Variants in PRDM10 observed in about 807,000 individuals in gnomAD.
The protein encoded by PRDM10 is PR domain zinc finger protein 10.
Under a neutral mutation model 133.1 loss-of-function variants are expected in PRDM10, and 65 were observed. The observed-to-expected ratio is 0.49, with a 90% CI of 0.40 to 0.60. The LOEUF is 0.60. PRDM10 is among the 20% of genes least tolerant of loss of function. The pLI, the probability that PRDM10 is intolerant of heterozygous loss-of-function variation, is 0.00. For synonymous variants in PRDM10, 582 were observed against 580.4 expected (o/e 1.00, Z -0.04); for missense variants, 1,137 against 1,507.1 (o/e 0.75, Z 4.07).
chr11:129,907,299 C>A (rs1319134695), intron 19 of PRDM10, among the ~76,000 whole-genome samples: 1 of 152,192 alleles, frequency 6.6e-6, no homozygotes, highest in Non-Finnish European at 1.5e-5. Flanking sequence ...GACCCGGTTT[C>A]CTCAACACAG....
At position 129,928,144 on chromosome 11, in the gene PRDM10, C is replaced by T. The variant is rs146057160; in HGVS notation, c.1530+2872G>A. Among the ~76,000 whole-genome samples the T allele has an allele frequency of 4.1e-3, 626 of 152,154 alleles. 10 individuals carry two copies. Among genetic ancestry groups the T allele is most frequent in the African/African-American group, 0.014 (591 of 41,502 alleles). On this transcript the variant is annotated intron_variant, in intron 11 of 20. Coordinates refer to ENST00000360871, the MANE Select transcript of PRDM10 (RefSeq NM_199437.2). ...TTTTAGAGATGGGGTCTTTCTCCAT[C>T]GCCCAGGCTGGAGTGTTATGGCATG...
In PRDM10 at chr11:129,902,081, A is replaced by G; in HGVS notation, c.*232T>C. On this transcript the variant is annotated 3_prime_UTR_variant, in exon 21 of 21. Transcript: ENST00000360871. ...GCAAATTCTCTCCACCTCGAAATCT[A>G]CTTTCCCCTGAAAGATCTCTGTTCT... is the stretch of plus-strand genomic sequence containing the variant. The G allele has an allele frequency of 5.7e-6, 3 of 525,666 alleles. No individual in the cohort carries two copies. In the South Asian group the frequency reaches 9.3e-5, roughly 16 times the overall value. 32.6% of individuals were successfully genotyped at this position (525,666 alleles called of 1,614,324 possible).
chr11:129,962,346 G>A (rs569929779), intron 1 of PRDM10, among the ~76,000 whole-genome samples: 3 of 152,294 alleles, frequency 2.0e-5, no homozygotes, highest in African/African-American at 4.8e-5. Flanking sequence ...CGTGAACTTC[G>A]AAAGTCTGTG....
chr11:129,909,201 G>A (rs557836849), intron 19 of PRDM10, among the ~76,000 whole-genome samples: 3 of 151,802 alleles, frequency 2.0e-5, no homozygotes, highest in African/African-American at 4.8e-5. Context: ...TGTAATTCCA[G>A]CACTTTGAGA....
intron 12 of PRDM10, among the ~76,000 whole-genome samples, chr11:129,924,414 G>C (rs1011841947): frequency 6.6e-6 from 1 of 152,194 alleles, no homozygotes; most frequent in African/African-American, 2.4e-5. Flanking sequence ...CACTACAGGG[G>C]AGGAGGCAGT....
At chr11:129,991,034 C>T (rs1938715252) in intron 1 of PRDM10, among the ~76,000 whole-genome samples, 1 of 152,148 alleles carries the variant, frequency 6.6e-6, no homozygotes. Context: ...AGGTACCTTC[C>T]ATTAGCTGAG....
At chr11:129,904,294 C>CT (rs1455084227) in intron 20 of PRDM10, among the ~76,000 whole-genome samples, 3 of 151,454 alleles carry the variant, frequency 2.0e-5, no homozygotes, top group South Asian at 2.1e-4. Context: ...AGCATTTTTC[C>CT]TTTTTTTTCC....
At chr11:129,929,536 C>A in intron 11 of PRDM10, 1 of 893,388 alleles carries the variant, frequency 1.1e-6, no homozygotes, top group East Asian at 2.9e-5. Flanking sequence ...AATACATAGC[C>A]CTACTTTTTA....
chr11:129,931,716 G>A (rs975888037), intron 10 of PRDM10, among the ~76,000 whole-genome samples: 5 of 151,828 alleles, frequency 3.3e-5, no homozygotes, highest in Admixed American at 6.6e-5. Flanking sequence ...GCAGGCGCCC[G>A]CCACTGCACC....
chr11:129,941,346 A>T (rs1402686624), intron 7 of PRDM10, among the ~76,000 whole-genome samples: 1 of 152,234 alleles, frequency 6.6e-6, no homozygotes, highest in Non-Finnish European at 1.5e-5. Context: ...AAATTTTATT[A>T]TGTCATCAAG....
chr11:129,991,708 A>T (rs925323687), intron 1 of PRDM10, among the ~76,000 whole-genome samples: 3 of 151,910 alleles, frequency 2.0e-5, no homozygotes, highest in Non-Finnish European at 4.4e-5. Context: ...AATCCCAGCT[A>T]CTCGGGAGGC....
intron 1 of PRDM10, among the ~76,000 whole-genome samples, chr11:129,985,504 G>T (rs1022520062): frequency 6.6e-6 from 1 of 151,920 alleles, no homozygotes; most frequent in Non-Finnish European, 1.5e-5. Flanking sequence ...GTCAAATATG[G>T]TATTGGGCAG....
At chr11:129,916,723 G>A (rs1950369592) in intron 15 of PRDM10, among the ~76,000 whole-genome samples, 1 of 152,142 alleles carries the variant, frequency 6.6e-6, no homozygotes. Flanking sequence ...AATAGTACAA[G>A]TAGAGTACTC....
At chr11:129,983,551 G>T (rs1938240945) in intron 1 of PRDM10, among the ~76,000 whole-genome samples, 1 of 152,142 alleles carries the variant, frequency 6.6e-6, no homozygotes, top group East Asian at 1.9e-4. Flanking sequence ...GCCGGTCTCG[G>T]CCTCCCAAAG....
At chr11:129,903,492 A>T (rs1031500482) in intron 20 of PRDM10, among the ~76,000 whole-genome samples, 1 of 152,070 alleles carries the variant, frequency 6.6e-6, no homozygotes, top group Non-Finnish European at 1.5e-5. Flanking sequence ...AAACTTACAC[A>T]TGGTCTTTGT....
intron 8 of PRDM10, among the ~76,000 whole-genome samples, chr11:129,937,156 T>A (rs1404622722): frequency 2.0e-5 from 3 of 152,356 alleles, no homozygotes; most frequent in Admixed American, 2.0e-4. Context: ...TAGGGCACAG[T>A]AACGCTGTTT....
chr11:129,966,573 T>C (rs1037748329), intron 1 of PRDM10, among the ~76,000 whole-genome samples: 1 of 152,110 alleles, frequency 6.6e-6, no homozygotes, highest in East Asian at 1.9e-4. Context: ...CCGAAAGACA[T>C]GGGAACAGTA....
rs1181496592 is a variant in PRDM10 at position 129,901,552 on chromosome 11, G to A, written c.*761C>T. ...ACAGAATGGGAGGCAAAGCTTTAAT[G>A]TAGGGGTTTAGATTCTGCTGACATC... On this transcript the variant is annotated 3_prime_UTR_variant, in exon 21 of 21. Transcript: ENST00000360871. The A allele has an allele frequency of 1.3e-5, 2 of 152,226 alleles. No homozygotes were observed. Among genetic ancestry groups the A allele is most frequent in the Non-Finnish European group, 2.9e-5 (2 of 68,028 alleles). The allele number at this position is 152,226 out of a possible 1,614,324, so 9.4% of individuals were successfully genotyped here.
rs746297663 is a variant in PRDM10 at position 129,930,997 on chromosome 11, G to C, written c.1530+19C>G. 6.3e-7 allele frequency: 1 copy of C among 1,580,902 alleles called. No homozygotes were observed. The highest frequency in any genetic ancestry group is 8.6e-7 in the Non-Finnish European group (1 of 1,163,066). On this transcript the variant is annotated intron_variant, in intron 11 of 20. Coordinates refer to ENST00000360871, the MANE Select transcript of PRDM10 (RefSeq NM_199437.2). ...AGATGAGCGGCTGGTGCCAGGAGCC[G>C]CCGGCTTTCCCCACTTACTCGGATG...
Sources: allele counts gnomAD v4.1 joint callset (sites outside exome capture counted in the v4.1 genomes callset), GRCh38; gene constraint gnomAD v4.1.1; transcripts MANE v1.5; gene names NCBI Gene and HGNC (gene_info 2026-07-23, HGNC 2026-07-21).